The following FKBP6 variants were observed in gnomAD, a reference collection of about 807,000 sequenced individuals.
FKBP6 encodes FKBP prolyl isomerase family member 6 (inactive), also known as inactive peptidyl-prolyl cis-trans isomerase FKBP6.
In FKBP6, 29 loss-of-function variants were observed where a neutral mutation model predicts 41.7. The ratio of observed to expected loss-of-function variants is 0.70; its 90% CI spans 0.52 to 0.95. The LOEUF is 0.95. Ranked by LOEUF, FKBP6 falls within the 40% of genes least tolerant of loss-of-function variation. FKBP6 has a pLI of 0.00. For synonymous variants in FKBP6, 130 were observed against 165.1 expected, an observed-to-expected ratio of 0.79 and a Z score of 1.63; for missense variants, 338 against 408.7, an observed-to-expected ratio of 0.83 and a Z score of 1.49.
At chr7:73,345,522 T>A (rs1196115721) in intron 8 of FKBP6, among the ~76,000 whole-genome samples, 1 of 152,144 alleles carries the variant, frequency 6.6e-6, no homozygotes, top group Non-Finnish European at 1.5e-5. Context: ...GTTGGGGGTA[T>A]GTAGAACCCC....
At chr7:73,351,632 G>A in intron 8 of FKBP6, among the ~76,000 whole-genome samples, 1 of 152,118 alleles carries the variant, frequency 6.6e-6, no homozygotes, top group East Asian at 1.9e-4. Context: ...TCCTGGGAAG[G>A]CATTTCCTCT....
chr7:73,340,980 G>A, intron 6 of FKBP6, 148 bp downstream of exon 6: 1 of 717,284 alleles, frequency 1.4e-6, no homozygotes. Flanking sequence ...ATGGAGTGCA[G>A]TGGCGCAAAT....
intron 5 of FKBP6, among the ~76,000 whole-genome samples, chr7:73,335,133 CAAAAAA>C (rs10651287): frequency 1.6e-3 from 124 of 79,384 alleles, no homozygotes; most frequent in Non-Finnish European, 2.7e-3. Context: ...TGTTCCTGGC[CAAAAAA>C]AAAAAAAAAA....
intron 8 of FKBP6, among the ~76,000 whole-genome samples, chr7:73,357,643 C>T (rs1805672110): frequency 1.3e-5 from 2 of 152,052 alleles, no homozygotes. Context: ...TGACACCCCA[C>T]CTCCTCTTCC....
chr7:73,332,818 T>G (rs1408600020), intron 5 of FKBP6, among the ~76,000 whole-genome samples: 1 of 152,224 alleles, frequency 6.6e-6, no homozygotes, highest in Non-Finnish European at 1.5e-5. Context: ...AACCGATTTC[T>G]CCACCCCTTT....
At position 73,341,292 on chromosome 7, in the gene FKBP6, A is replaced by G. The variant is rs1805176904; in HGVS notation, c.803A>G (p.Glu268Gly). ...RCGQACLLLTEYQKARDFLVR... is the reference protein window; with the variant it reads ...RCGQACLLLTGYQKARDFLVR... The stretch of plus-strand genomic sequence containing the variant: ...GGACAGGCTTGTCTTCTCCTGACTG[A>G]GTATCAAAAGGCCCGGGATTTTCTA... Residue 268 changes from glutamate (E) to glycine (G), a missense_variant, in exon 7 of 9, where the codon GAG (glutamate) becomes GGG (glycine). Glu to Gly is a moderately conservative substitution (Grantham distance 98). Around this residue, in one of 2 missense-constraint regions of FKBP6, gnomAD observed 239 missense variants for 250.1 expected, o/e 0.96. Coordinates refer to ENST00000252037, the MANE Select transcript of FKBP6 (RefSeq NM_003602.5). 1 of 1,611,506 alleles carries G rather than the reference A, an allele frequency of 6.2e-7. No homozygotes were observed. Among genetic ancestry groups the G allele is most frequent in the Non-Finnish European group, 8.5e-7 (1 of 1,177,584 alleles).
chr7:73,346,113 G>A (rs1400916712), intron 8 of FKBP6, among the ~76,000 whole-genome samples: 1 of 152,204 alleles, frequency 6.6e-6, no homozygotes, highest in Admixed American at 6.5e-5. Flanking sequence ...AGGAAAGGAA[G>A]TAGCAGGAGG....
Position 73,357,912 on chromosome 7 carries a change from CG to C in FKBP6, c.*3-266del, listed in dbSNP as rs1415485781. Among the ~76,000 whole-genome samples the C allele has an allele frequency of 4.6e-5, 7 of 151,092 alleles. No individual in the cohort carries two copies. In the East Asian group the frequency reaches 1.4e-3, roughly 30 times the overall value. ...CTGAAGCAGGAGAATCACTTGAACC[CG>C]GGAGGCAGAGGTTGCAGTGAGCAGA... is the stretch of plus-strand genomic sequence containing the variant. On this transcript the variant is annotated intron_variant, in intron 8 of 8. Coordinates refer to ENST00000252037, the MANE Select transcript of FKBP6 (RefSeq NM_003602.5).
intron 8 of FKBP6, among the ~76,000 whole-genome samples, chr7:73,344,202 C>G (rs1160802574): frequency 6.6e-6 from 1 of 152,192 alleles, no homozygotes; most frequent in Non-Finnish European, 1.5e-5. Context: ...GGACTGTGAC[C>G]CCACAAGTCC....
rs1467612791 is a variant in FKBP6, at chr7:73,329,798, T to G, written c.265+349T>G. ...ATCTCCACCCTTAAGGACCTCACAA[T>G]GTAGTGGAGGAGACTGACCTGCACT... On this transcript the variant is annotated intron_variant, in intron 3 of 8. Coordinates refer to ENST00000252037, the MANE Select transcript of FKBP6 (RefSeq NM_003602.5). 1.2e-5 allele frequency: 6 copies of G among 519,772 alleles called. No individual in the cohort carries two copies. The Admixed American group carries it at 1.9e-4, about 17-fold the overall frequency. The allele number at this position is 519,772 out of a possible 1,614,324, so 32.2% of individuals were successfully genotyped here.
At chr7:73,336,622 C>T (rs1222595671) in intron 5 of FKBP6, 17 of 370,188 alleles carry the variant, frequency 4.6e-5, no homozygotes, top group Non-Finnish European at 7.7e-5. Context: ...ATATTTACAG[C>T]ATAGGAATAG....
chr7:73,332,112 C>T (rs1308333425), intron 5 of FKBP6, among the ~76,000 whole-genome samples: 1 of 152,218 alleles, frequency 6.6e-6, no homozygotes, highest in East Asian at 1.9e-4. Context: ...GATCTGCCCA[C>T]CTCGGCCTCC....
chr7:73,332,966 T>A (rs1804893595), intron 5 of FKBP6, among the ~76,000 whole-genome samples: 1 of 152,136 alleles, frequency 6.6e-6, no homozygotes, highest in African/African-American at 2.4e-5. Context: ...GTTTCCTTTT[T>A]AATTTTATTC....
chr7:73,329,239 G>T (rs1167000453), intron 2 of FKBP6, 121 bp from the exon 3 acceptor site: 4 of 786,050 alleles, frequency 5.1e-6, no homozygotes, highest in East Asian at 2.4e-5. Flanking sequence ...CTGTACCTCG[G>T]GGTGTCGGGC....
chr7:73,347,788 G>T (rs555163658), intron 8 of FKBP6, among the ~76,000 whole-genome samples: 129 of 152,250 alleles, frequency 8.5e-4, no homozygotes, highest in African/African-American at 3.0e-3. Flanking sequence ...GGGACCACAG[G>T]CATGTGCCAC....
chr7:73,337,374 C>T (rs1399102186), intron 5 of FKBP6, among the ~76,000 whole-genome samples: 6 of 142,730 alleles, frequency 4.2e-5, no homozygotes, highest in African/African-American at 7.9e-5. Flanking sequence ...AGTGTACTGG[C>T]GCCATCTCGG....
At chr7:73,338,458 G>A (rs2353064) in intron 5 of FKBP6, among the ~76,000 whole-genome samples, 94,397 of 152,228 alleles carry the variant, frequency 0.62, 29,839 homozygotes, top group African/African-American at 0.67. Flanking sequence ...TGTACAAGTT[G>A]TCGTGTGAAC....
chr7:73,331,535 A>G, intron 4 of FKBP6, 122 bp from the exon 5 acceptor site: 1 of 895,542 alleles, frequency 1.1e-6, no homozygotes, highest in South Asian at 1.3e-5. Context: ...TTAAATGGAG[A>G]CATGTTCTCA....
At chr7:73,355,330 C>T (rs1583828201) in intron 8 of FKBP6, among the ~76,000 whole-genome samples, 1 of 152,154 alleles carries the variant, frequency 6.6e-6, no homozygotes, top group African/African-American at 2.4e-5. Context: ...CACCTCTGTG[C>T]GATACATGTA....
Sources: allele counts gnomAD v4.1 joint callset (sites outside exome capture counted in the v4.1 genomes callset), GRCh38; gene constraint gnomAD v4.1.1; regional missense constraint gnomAD v4.1.1; transcripts MANE v1.5; gene names NCBI Gene and HGNC (gene_info 2026-07-23, HGNC 2026-07-21).